The following RARB variants were observed in gnomAD, a reference collection of about 807,000 sequenced individuals.
RARB encodes HBV-activated protein.
A neutral mutation model predicts 51.9 loss-of-function variants in RARB; 17 were observed. The observed-to-expected ratio is 0.33, with a 90% CI of 0.22 to 0.49. RARB has a LOEUF of 0.49. Among genes scored for constraint, RARB ranks in the 20% least tolerant of loss-of-function variants. RARB has a pLI of 0.99. For missense variants in RARB, 369 were observed against 550.8 expected (o/e 0.67, Z 3.30); for synonymous variants, 215 against 195.4 (o/e 1.10, Z -0.84).
intron 2 of RARB, among the ~76,000 whole-genome samples, chr3:24,922,704 G>A (rs1198575877): frequency 6.6e-6 from 1 of 152,164 alleles, no homozygotes; most frequent in African/African-American, 2.4e-5. Flanking sequence ...CAAGGGAAAG[G>A]AAGGCTAGAG....
At chr3:25,451,382 A>G (rs1709186876) in intron 1 of RARB, among the ~76,000 whole-genome samples, 1 of 152,108 alleles carries the variant, frequency 6.6e-6, no homozygotes, top group Non-Finnish European at 1.5e-5. Context: ...AAAGCTTACC[A>G]CTTTCCCGTC....
chr3:25,286,191 C>CCAT (rs150489340), intron 5 of RARB, among the ~76,000 whole-genome samples: 34,602 of 146,030 alleles, frequency 0.24, 4,320 homozygotes, highest in Non-Finnish European at 0.27. Context: ...CGGGTTCACG[C>CCAT]CATTCTCCTG....
At chr3:25,506,466 A>T (rs1318188197) in intron 3 of RARB, among the ~76,000 whole-genome samples, 1 of 151,866 alleles carries the variant, frequency 6.6e-6, no homozygotes, top group Admixed American at 6.5e-5. Context: ...AAATTAGCTG[A>T]GAGTGATGGT....
intron 2 of RARB, among the ~76,000 whole-genome samples, chr3:25,484,881 G>T (rs1286656): frequency 0.94 from 142,995 of 152,256 alleles, 67,232 homozygotes; most frequent in East Asian, 1. Context: ...ACACACGAAT[G>T]CTGGAGTACA....
At chr3:25,281,588 G>C (rs1030481446) in intron 5 of RARB, among the ~76,000 whole-genome samples, 2 of 152,172 alleles carry the variant, frequency 1.3e-5, no homozygotes, top group African/African-American at 4.8e-5. Context: ...CCAAACAAAT[G>C]ATCAGCACTG....
chr3:25,056,098 A>C (rs936616601), intron 2 of RARB, among the ~76,000 whole-genome samples: 4 of 152,130 alleles, frequency 2.6e-5, no homozygotes, highest in Admixed American at 2.6e-4. Flanking sequence ...TCAAAGCCCA[A>C]TGTGCAGGGA....
chr3:25,216,304 A>G (rs1473356430), intron 5 of RARB, among the ~76,000 whole-genome samples: 5 of 152,148 alleles, frequency 3.3e-5, no homozygotes, highest in South Asian at 2.1e-4. Flanking sequence ...AGCCAAATGT[A>G]TATCCATAAA....
chr3:25,147,473 A>G (rs1267921545), intron 4 of RARB, among the ~76,000 whole-genome samples: 1 of 152,182 alleles, frequency 6.6e-6, no homozygotes, highest in Non-Finnish European at 1.5e-5. Flanking sequence ...GAAAGCATAT[A>G]ACTATATGAC....
chr3:25,203,248 T>G (rs1401867213), intron 5 of RARB, among the ~76,000 whole-genome samples: 1 of 152,202 alleles, frequency 6.6e-6, no homozygotes, highest in Non-Finnish European at 1.5e-5. Context: ...AGACTAGGAT[T>G]GCAACCCCTG....
At chr3:24,896,362 C>G (rs979689879) in intron 2 of RARB, among the ~76,000 whole-genome samples, 1 of 152,086 alleles carries the variant, frequency 6.6e-6, no homozygotes, top group Non-Finnish European at 1.5e-5. Flanking sequence ...CAGGTTCAAG[C>G]GATCCTCCTG....
At chr3:24,843,732 C>A (rs895646269) in intron 1 of RARB, among the ~76,000 whole-genome samples, 1 of 152,282 alleles carries the variant, frequency 6.6e-6, no homozygotes, top group East Asian at 1.9e-4. Flanking sequence ...AGACCTGCTG[C>A]ACTGAAATCT....
intron 3 of RARB, among the ~76,000 whole-genome samples, chr3:25,513,710 A>T (rs1409402222): frequency 7.3e-6 from 1 of 137,640 alleles, no homozygotes; most frequent in Admixed American, 7.8e-5. Context: ...ATCATTTCTT[A>T]AGGTGCACTA....
intron 2 of RARB, among the ~76,000 whole-genome samples, chr3:25,468,846 C>G (rs1352021520): frequency 1.3e-5 from 2 of 152,202 alleles, no homozygotes; most frequent in Non-Finnish European, 2.9e-5. Context: ...TCCTTGCTCT[C>G]TACATTTTGC....
rs371986741 is a variant in RARB, at chr3:24,937,691, G to A, written c.-380+78939G>A. Among the ~76,000 whole-genome samples, 24 of 152,178 alleles carry A rather than the reference G, an allele frequency of 1.6e-4. No homozygotes were observed. The East Asian group carries it at 3.9e-3, about 25-fold the overall frequency. On this transcript the variant is annotated intron_variant, in intron 2 of 11. Transcript: ENST00000383772. ...AGATAGCATCAAAACATTTATTCAG[G>A]CTATTGCTCCTCACTGTTGGGGCAT...
intron 2 of RARB, among the ~76,000 whole-genome samples, chr3:25,487,287 T>A (rs982544003): frequency 2.0e-5 from 3 of 152,334 alleles, no homozygotes; most frequent in Middle Eastern, 3.4e-3. Flanking sequence ...CTTTAAATAA[T>A]AGACCCCATT....
At chr3:24,879,441 A>AT (rs927544046) in intron 2 of RARB, among the ~76,000 whole-genome samples, 2 of 151,268 alleles carry the variant, frequency 1.3e-5, no homozygotes, top group African/African-American at 4.9e-5. Context: ...AATTAAAAAA[A>AT]AATAAAAAAT....
chr3:25,154,660 G>C (rs995283047), intron 4 of RARB, among the ~76,000 whole-genome samples: 19 of 152,328 alleles, frequency 1.2e-4, no homozygotes, highest in African/African-American at 4.6e-4. Context: ...CAAACTACAT[G>C]TGTAGGGTCT....
At chr3:25,044,134 C>A (rs962714730) in intron 2 of RARB, among the ~76,000 whole-genome samples, 9 of 152,034 alleles carry the variant, frequency 5.9e-5, no homozygotes, top group African/African-American at 1.7e-4. Flanking sequence ...ACAGCAAAAC[C>A]CTTTTAGTCA....
chr3:25,514,583 C>T (rs961728834), intron 3 of RARB, among the ~76,000 whole-genome samples: 1 of 151,932 alleles, frequency 6.6e-6, no homozygotes, highest in African/African-American at 2.4e-5. Flanking sequence ...TTGGAAAATG[C>T]AACTCCTCCA....
Sources: gnomAD v4.1 joint callset for allele counts (sites outside exome capture counted in the v4.1 genomes callset) on GRCh38, gnomAD v4.1.1 for gene constraint, MANE v1.5 for transcripts, NCBI Gene and HGNC (gene_info 2026-07-23, HGNC 2026-07-21) for gene names.